The following HTR6 variants were observed in gnomAD, a reference collection of about 807,000 sequenced individuals.
HTR6 encodes 5-hydroxytryptamine (serotonin) receptor 6, G protein-coupled.
Under a neutral mutation model 17.4 loss-of-function variants are expected in HTR6, and 15 were observed. The ratio of observed to expected loss-of-function variants is 0.86; its 90% CI spans 0.58 to 1.33. The LOEUF (loss-of-function observed/expected upper bound fraction) is 1.33, where lower values mean the gene tolerates loss of function less well. HTR6 is among the 40% of genes most tolerant of loss of function. The probability of loss-of-function intolerance (pLI) is 0.00; values close to 1 mark genes in which losing one functional copy is unlikely to be tolerated. For synonymous variants in HTR6, 326 were observed against 295.5 expected, an observed-to-expected ratio of 1.10 and a Z score of -1.06; for missense variants, 578 against 616.0, an observed-to-expected ratio of 0.94 and a Z score of 0.65.
chr1:19,667,792 T>C (rs1050299821), intron 1 of HTR6, among the ~76,000 whole-genome samples: 2 of 152,168 alleles, frequency 1.3e-5, no homozygotes, highest in African/African-American at 4.8e-5. Flanking sequence ...TGCACCTGAC[T>C]CCTATTGACC....
Position 19,679,247 on chromosome 1 carries a change from C to T in HTR6, c.1202C>T (p.Pro401Leu), listed in dbSNP as rs908672899. 1 of 1,588,414 alleles carries T rather than the reference C, an allele frequency of 6.3e-7. No individual in the cohort carries two copies. Among genetic ancestry groups the T allele is most frequent in the East Asian group, 2.3e-5 (1 of 43,234 alleles). Residue 401 changes from proline to leucine, a missense_variant, in exon 3 of 3, where the codon CCT (proline) becomes CTT (leucine). Physicochemically the swap from Pro to Leu is moderately conservative, Grantham distance 98 (BLOSUM62 -3). Coordinates refer to ENST00000289753, the MANE Select transcript of HTR6 (RefSeq NM_000871.3). This position sits in a 1 kb window ranked among gnomAD's most constrained non-coding sequence, Gnocchi z 4.9. ...CGGCTCACGGCCCAGCTGCTGCTTC[C>T]TGGCGAGGCCACCCAGGACCCCCCG... ...GLRLTAQLLL[P>L]GEATQDPPLP...
chr1:19,668,020 C>T (rs1400908587), intron 1 of HTR6, among the ~76,000 whole-genome samples: 3 of 152,228 alleles, frequency 2.0e-5, no homozygotes, highest in Non-Finnish European at 2.9e-5. Context: ...ACAAGCTTGC[C>T]TGTCCCACCC....
chr1:19,670,507 C>T (rs1391533391), intron 1 of HTR6, among the ~76,000 whole-genome samples: 1 of 150,660 alleles, frequency 6.6e-6, no homozygotes, highest in Non-Finnish European at 1.5e-5. Flanking sequence ...CTTTCTCGCC[C>T]AGGCTGGAGT....
Position 19,673,933 on chromosome 1 carries a change from C to T in HTR6, c.715-4634C>T, listed in dbSNP as rs527712614. On this transcript the variant is annotated intron_variant, in intron 1 of 2. Transcript: ENST00000289753. The stretch of plus-strand genomic sequence containing the variant: ...CCAGGCTGGAGTGCAGTGGTACAAC[C>T]ACGGCTCACTGCAGCCTTGACCTCT... Among the ~76,000 whole-genome samples the T allele has an allele frequency of 1.3e-3, 191 of 150,988 alleles. 2 individuals are homozygous for T. The highest frequency in any genetic ancestry group is 2.4e-3 in the Non-Finnish European group (164 of 67,866).
Position 19,665,705 on chromosome 1 carries a change from C to A in HTR6, c.-49C>A. 1 of 1,282,424 alleles carries A rather than the reference C, an allele frequency of 7.8e-7. No individual in the cohort carries two copies. Among genetic ancestry groups the A allele is most frequent in the Non-Finnish European group, 1.1e-6 (1 of 949,404 alleles). The allele number at this position is 1,282,424 out of a possible 1,614,324, so 79.4% of individuals were successfully genotyped here. On this transcript the variant is annotated 5_prime_UTR_variant, in exon 1 of 3. The change creates a new upstream start codon in the 5' untranslated region. Transcript: ENST00000289753. This position sits in a 1 kb window ranked among gnomAD's most constrained non-coding sequence, Gnocchi z 4.2. ...GCCTGCGCTTCGCCGGGGCCCTCATCTGCTTTCCCGCCACCCTATCACTCC... is the reference window on the plus strand; with the variant it reads ...GCCTGCGCTTCGCCGGGGCCCTCATATGCTTTCCCGCCACCCTATCACTCC...
chr1:19,677,151 A>G (rs1220807630), intron 1 of HTR6, among the ~76,000 whole-genome samples: 1 of 151,904 alleles, frequency 6.6e-6, no homozygotes, highest in African/African-American at 2.4e-5. Flanking sequence ...GAAGTGTGAA[A>G]CGTTGTTTTC....
chr1:19,676,233 C>T (rs560704925), intron 1 of HTR6, among the ~76,000 whole-genome samples: 6 of 152,278 alleles, frequency 3.9e-5, no homozygotes, highest in South Asian at 2.1e-4. Context: ...TTCACAGCGA[C>T]GCCGTAAGCT....
At chr1:19,672,809 T>A (rs1256446694) in intron 1 of HTR6, among the ~76,000 whole-genome samples, 1 of 151,958 alleles carries the variant, frequency 6.6e-6, no homozygotes, top group Non-Finnish European at 1.5e-5. Flanking sequence ...GCAGGAGGAT[T>A]CTTTGAAGCT....
chr1:19,679,978 T>C lies in HTR6; in HGVS notation c.*610T>C, dbSNP rs10917512. Among the ~76,000 whole-genome samples, 27,916 of 152,128 alleles carry C rather than the reference T, an allele frequency of 0.18. 2,892 individuals carry two copies. Among genetic ancestry groups the C allele is most frequent in the East Asian group, 0.3 (1,566 of 5,174 alleles). On this transcript the variant is annotated 3_prime_UTR_variant, in exon 3 of 3. Transcript: ENST00000289753. The surrounding 1 kb of genome is among the most constrained non-coding windows in gnomAD (Gnocchi z 4.9). ...ATTTGCTGGATGGTTTTTGGACCTG[T>C]CAGTCTCCCCTCCCTGGTATATATG... is the stretch of plus-strand genomic sequence containing the variant.
At chr1:19,674,943 C>A (rs887604551) in intron 1 of HTR6, among the ~76,000 whole-genome samples, 1 of 152,112 alleles carries the variant, frequency 6.6e-6, no homozygotes, top group Non-Finnish European at 1.5e-5. Flanking sequence ...CAAGGGGCTG[C>A]GAGGTGCTTA....
In HTR6 at chr1:19,679,301, A is replaced by G; in HGVS notation, c.1256A>G (p.Asn419Ser). 2 of 1,608,810 alleles carry G rather than the reference A, an allele frequency of 1.2e-6. No homozygotes were observed. Among genetic ancestry groups the G allele is most frequent in the Non-Finnish European group, 1.7e-6 (2 of 1,178,448 alleles). ...PLPTRAAAAV[N>S]FFNIDPAEPE... ...CCCACCAGGGCCGCTGCCGCCGTCA[A>G]TTTCTTCAACATCGACCCCGCGGAG... Residue 419 changes from asparagine to serine, a missense_variant, in exon 3 of 3, where the codon AAT becomes AGT. Physicochemically the swap from Asn to Ser is conservative, Grantham distance 46 (BLOSUM62 1). Transcript: ENST00000289753. This position sits in a 1 kb window ranked among gnomAD's most constrained non-coding sequence, Gnocchi z 4.9.
rs777857997 is a variant in HTR6 at position 19,666,266 on chromosome 1, C to A, written c.513C>A (p.His171Gln). Residue 171 changes from histidine to glutamine, a missense_variant, in exon 1 of 3, where the codon CAC becomes CAA. By Grantham distance (24) the His-to-Gln change is conservative. Transcript: ENST00000289753. The surrounding 1 kb of genome is among the most constrained non-coding windows in gnomAD (Gnocchi z 4.5). ...TGCTGGGCTGGCACGAGCTGGGCCACGCACGGCCACCCGTCCCTGGCCAGT... is the reference window on the plus strand; with the variant it reads ...TGCTGGGCTGGCACGAGCTGGGCCAAGCACGGCCACCCGTCCCTGGCCAGT... ...PLLLGWHELG[H>Q]ARPPVPGQCR... 1 of 1,610,142 alleles carries A rather than the reference C, an allele frequency of 6.2e-7. No homozygotes were observed. Among genetic ancestry groups the A allele is most frequent in the South Asian group, 1.1e-5 (1 of 91,024 alleles).
In HTR6 at chr1:19,666,847, GC is replaced by G. The variant is rs2095082270; in HGVS notation, c.714+381del. On this transcript the variant is annotated intron_variant, in intron 1 of 2. Coordinates refer to ENST00000289753, the MANE Select transcript of HTR6 (RefSeq NM_000871.3). The surrounding 1 kb of genome is among the most constrained non-coding windows in gnomAD (Gnocchi z 4.5). ...TTCATTAGCGAGACCTGTTGGCGCTGCTCTAAACAGGTGCCATCTCCCCTGC... is the reference window on the plus strand; with the variant it reads ...TTCATTAGCGAGACCTGTTGGCGCTGTCTAAACAGGTGCCATCTCCCCTGC... Among the ~76,000 whole-genome samples the G allele has an allele frequency of 6.6e-6, 1 of 152,048 alleles. No homozygotes were observed. Among genetic ancestry groups the G allele is most frequent in the Admixed American group, 6.6e-5 (1 of 15,262 alleles).
Position 19,680,550 on chromosome 1 carries a change from C to T in HTR6, c.*1182C>T, listed in dbSNP as rs1327028984. 2.0e-5 allele frequency among the ~76,000 whole-genome samples: 3 copies of T among 152,228 alleles called. No individual in the cohort carries two copies. The East Asian group carries it at 5.8e-4, about 29-fold the overall frequency. ...GAAGGGAACAACTGATGGGGATAAA[C>T]CCAGCCCCTTGCCCACCTGCCTCTG... On this transcript the variant is annotated 3_prime_UTR_variant, in exon 3 of 3. Transcript: ENST00000289753.
intron 1 of HTR6, among the ~76,000 whole-genome samples, chr1:19,675,318 G>A (rs1228165925): frequency 6.6e-6 from 1 of 152,166 alleles, no homozygotes; most frequent in Admixed American, 6.5e-5. Flanking sequence ...ATGCTGATGT[G>A]TAGTAAGTGC....
chr1:19,666,460 C>T lies in HTR6; in HGVS notation c.707C>T (p.Thr236Met). ...TTGMASQASE[T>M]LQVPRTPRPG... ...GGCATGGCCAGTCAGGCCTCGGAGA[C>T]GCTGCAGGTACCTGGGGTGCGCAGG... Residue 236 changes from threonine (T) to methionine (M), a missense_variant, in exon 1 of 3, where the codon ACG (threonine) becomes ATG (methionine). Transcript: ENST00000289753. The surrounding 1 kb of genome is among the most constrained non-coding windows in gnomAD (Gnocchi z 4.5). 2 of 1,605,932 alleles carry T rather than the reference C, an allele frequency of 1.2e-6. No individual in the cohort carries two copies. The highest frequency in any genetic ancestry group is 4.5e-5 in the East Asian group (2 of 44,736).
In HTR6 at chr1:19,679,556, A is replaced by T; in HGVS notation, c.*188A>T. The stretch of plus-strand genomic sequence containing the variant: ...CCCTTACCTGCAGGGATCATAGCTG[A>T]CTCAGATATCGTGTTCTGAAGGATG... On this transcript the variant is annotated 3_prime_UTR_variant, in exon 3 of 3. Transcript: ENST00000289753. This position sits in a 1 kb window ranked among gnomAD's most constrained non-coding sequence, Gnocchi z 4.9. 1 of 788,202 alleles carries T rather than the reference A, an allele frequency of 1.3e-6. No homozygotes were observed. Among genetic ancestry groups the T allele is most frequent in the Non-Finnish European group, 1.9e-6 (1 of 520,752 alleles). 48.8% of individuals were successfully genotyped at this position (788,202 alleles called of 1,614,324 possible). A position where few individuals can be genotyped will look rare whatever the true frequency, so the allele number is the denominator to read the frequency against.
chr1:19,675,515 G>T (rs1315470061), intron 1 of HTR6, among the ~76,000 whole-genome samples: 1 of 152,024 alleles, frequency 6.6e-6, no homozygotes, highest in Non-Finnish European at 1.5e-5. Context: ...AGAGGAGAAA[G>T]AAAAACCTGG....
Position 19,665,805 on chromosome 1 carries a change from G to C in HTR6, c.52G>C (p.Gly18Arg), listed in dbSNP as rs201484895. The C allele has an allele frequency of 6.8e-4, 1,040 of 1,528,708 alleles. 6 individuals are homozygous for C. The African/African-American group carries it at 0.012, about 18-fold the overall frequency. 94.7% of individuals were successfully genotyped at this position (1,528,708 alleles called of 1,614,324 possible). A position where few individuals can be genotyped will look rare whatever the true frequency, so the allele number is the denominator to read the frequency against. Reference protein sequence around the residue: ...TANSTPAWGAGPPSAPGGSGW... With the variant: ...TANSTPAWGARPPSAPGGSGW... ...CAATAGCACCCCGGCCTGGGGGGCA[G>C]GGCCGCCGTCGGCCCCGGGGGGCAG... Residue 18 changes from glycine (G) to arginine (R), a missense_variant, in exon 1 of 3, where the codon GGG (glycine) becomes CGG (arginine). Physicochemically the swap from Gly to Arg is moderately radical, Grantham distance 125 (BLOSUM62 -2). Transcript: ENST00000289753. This position sits in a 1 kb window ranked among gnomAD's most constrained non-coding sequence, Gnocchi z 4.2.
Sources: gnomAD v4.1 joint callset for allele counts (sites outside exome capture counted in the v4.1 genomes callset) on GRCh38, gnomAD v4.1.1 for gene constraint, Gnocchi (gnomAD v3.1) non-coding constraint, MANE v1.5 for transcripts, NCBI Gene and HGNC (gene_info 2026-07-23, HGNC 2026-07-21) for gene names.